The following ATG5 variants were observed in gnomAD, a reference collection of about 807,000 sequenced individuals.
The protein encoded by ATG5 is autophagy related 5.
In ATG5, 14 loss-of-function variants were observed where a neutral mutation model predicts 36.5. The ratio of observed to expected loss-of-function variants is 0.38; its 90% CI spans 0.25 to 0.60. The LOEUF is 0.60. Among genes scored for constraint, ATG5 ranks in the 20% least tolerant of loss-of-function variants. The pLI is 0.60. For synonymous variants in ATG5, 95 were observed against 101.5 expected, an observed-to-expected ratio of 0.94 and a Z score of 0.38; for missense variants, 195 against 326.7, an observed-to-expected ratio of 0.60 and a Z score of 3.11.
At chr6:106,235,937 T>A (rs1471059499) in intron 6 of ATG5, among the ~76,000 whole-genome samples, 1 of 152,216 alleles carries the variant, frequency 6.6e-6, no homozygotes, top group Non-Finnish European at 1.5e-5. Flanking sequence ...ATATTGGGCA[T>A]TTCCATCATG....
At chr6:106,224,013 G>T (rs1462326882) in intron 6 of ATG5, among the ~76,000 whole-genome samples, 1 of 152,234 alleles carries the variant, frequency 6.6e-6, no homozygotes, top group Admixed American at 6.5e-5. Flanking sequence ...TTCAAAAACA[G>T]ACTTCGCAGA....
chr6:106,303,664 T>C (rs1770302674), intron 3 of ATG5, among the ~76,000 whole-genome samples: 1 of 152,148 alleles, frequency 6.6e-6, no homozygotes. Context: ...CGAAATATTA[T>C]TTGGCAAACT....
chr6:106,202,263 T>A (rs1034800620), intron 6 of ATG5, 174 bp from the exon 7 acceptor site: 7 of 482,472 alleles, frequency 1.5e-5, no homozygotes, highest in African/African-American at 1.4e-4. Context: ...CATGATAAAT[T>A]CAGGTAAATC....
intron 6 of ATG5, among the ~76,000 whole-genome samples, chr6:106,205,002 T>C (rs1562209837): frequency 2.0e-5 from 3 of 152,286 alleles, no homozygotes; most frequent in East Asian, 3.9e-4. Context: ...TAGGGAACTG[T>C]AGTGATAATT....
rs112383454 is a variant in ATG5, at chr6:106,255,263, T to G, written c.479-7019A>C. Reference sequence around the variant, plus strand: ...TTTCCAACCCCTTCTTCTTCTAACATGTCTTAATATAGTAGGGGAGAGGAC... The same window carrying G: ...TTTCCAACCCCTTCTTCTTCTAACAGGTCTTAATATAGTAGGGGAGAGGAC... On this transcript the variant is annotated intron_variant, in intron 5 of 7. Transcript: ENST00000369076. Among the ~76,000 whole-genome samples, 555 of 152,306 alleles carry G rather than the reference T, an allele frequency of 3.6e-3. 3 individuals carry two copies. The highest frequency in any genetic ancestry group is 0.013 in the African/African-American group (522 of 41,576).
rs560647163 is a variant in ATG5, at chr6:106,297,060, T to C, written c.237-3954A>G. On this transcript the variant is annotated intron_variant, in intron 3 of 7. Transcript: ENST00000369076. ...AAGTGAAATCTCAAACTCTGAGTCTTTAGATGATATCTTAAATTTTCCATA... is the reference window on the plus strand; with the variant it reads ...AAGTGAAATCTCAAACTCTGAGTCTCTAGATGATATCTTAAATTTTCCATA... Among the ~76,000 whole-genome samples, 15 of 152,314 alleles carry C rather than the reference T, an allele frequency of 9.8e-5. 1 individual carries two copies. The East Asian group carries it at 2.9e-3, about 29-fold the overall frequency.
At chr6:106,264,164 C>G (rs564404322) in intron 5 of ATG5, among the ~76,000 whole-genome samples, 3 of 152,082 alleles carry the variant, frequency 2.0e-5, no homozygotes, top group African/African-American at 7.2e-5. Context: ...CCTGATGGAG[C>G]TGAAAAACAC....
rs1307776243 is a variant in ATG5 at position 106,293,116 on chromosome 6, A to C, written c.237-10T>G. On this transcript the variant is annotated splice_polypyrimidine_tract_variant and intron_variant, in intron 3 of 7. Coordinates refer to ENST00000369076, the MANE Select transcript of ATG5 (RefSeq NM_004849.4). Reference sequence around the variant, plus strand: ...ACCAATTGGATAATGCCTAAAAATGAAACAGTATATTTTGAGAAAATAAAT... The same window carrying C: ...ACCAATTGGATAATGCCTAAAAATGCAACAGTATATTTTGAGAAAATAAAT... 1.2e-6 allele frequency: 2 copies of C among 1,606,822 alleles called. No individual in the cohort carries two copies. The highest frequency in any genetic ancestry group is 2.2e-5 in the South Asian group (2 of 90,730).
At chr6:106,199,577 A>G (rs1047535114) in intron 7 of ATG5, among the ~76,000 whole-genome samples, 2 of 152,228 alleles carry the variant, frequency 1.3e-5, no homozygotes, top group African/African-American at 4.8e-5. Context: ...AGCTACAAGT[A>G]AGTACAAGGA....
intron 3 of ATG5, 121 bp downstream of exon 3, chr6:106,308,243 G>T: frequency 1.3e-6 from 1 of 777,016 alleles, no homozygotes; most frequent in Non-Finnish European, 1.8e-6. Flanking sequence ...TTCACATATT[G>T]TATGAGCTAG....
intron 6 of ATG5, among the ~76,000 whole-genome samples, chr6:106,208,869 C>T (rs1317344208): frequency 6.6e-6 from 1 of 152,106 alleles, no homozygotes; most frequent in African/African-American, 2.4e-5. Flanking sequence ...GGGCAAAAGA[C>T]ATGAACAGAC....
At chr6:106,234,970 G>C (rs1197564927) in intron 6 of ATG5, among the ~76,000 whole-genome samples, 2 of 150,266 alleles carry the variant, frequency 1.3e-5, no homozygotes, top group Admixed American at 6.6e-5. Flanking sequence ...ATTTTTAGGG[G>C]AAGAATGTTG....
rs1188173072 is a variant in ATG5 at position 106,308,483 on chromosome 6, C to T, written c.117G>A (p.Leu39=). ...EREAEPYYLL[L]PRVSYLTLVT... ...CCAACGTCAAATAACTTACTCTTGG[C>T]AAAAGCAACTGAAATGAAAATTTGT... Residue 39 remains leucine, a synonymous_variant, in exon 3 of 8, where the codon TTG becomes TTA. Transcript: ENST00000369076. The T allele has an allele frequency of 6.4e-7, 1 of 1,559,600 alleles. No individual in the cohort carries two copies.
At chr6:106,285,354 T>C (rs1329012161) in intron 4 of ATG5, among the ~76,000 whole-genome samples, 3 of 152,114 alleles carry the variant, frequency 2.0e-5, no homozygotes, top group Admixed American at 2.0e-4. Flanking sequence ...CTATTGAGAG[T>C]AAAATTTTTT....
intron 5 of ATG5, among the ~76,000 whole-genome samples, chr6:106,261,021 G>A (rs1259788010): frequency 2.6e-5 from 4 of 152,168 alleles, no homozygotes; most frequent in Non-Finnish European, 5.9e-5. Context: ...ACTGATTGTT[G>A]AGTTAAAATG....
chr6:106,241,912 T>C (rs1778139175), intron 6 of ATG5, among the ~76,000 whole-genome samples: 1 of 151,972 alleles, frequency 6.6e-6, no homozygotes. Context: ...TAAATCTCTC[T>C]CTACACAAAC....
rs1775768988 is a variant in ATG5, at chr6:106,186,379, C to T, written c.*161G>A. ...AGAGGTGATGCAAAGTAAGACCAGC[C>T]CAGTTGCCTTATCTGACATGGAATC... On this transcript the variant is annotated 3_prime_UTR_variant, in exon 8 of 8. Coordinates refer to ENST00000369076, the MANE Select transcript of ATG5 (RefSeq NM_004849.4). 1.3e-6 allele frequency: 1 copy of T among 750,480 alleles called. No homozygotes were observed. Among genetic ancestry groups the T allele is most frequent in the East Asian group, 2.7e-5 (1 of 37,222 alleles). 46.5% of individuals were successfully genotyped at this position (750,480 alleles called of 1,614,324 possible).
At chr6:106,295,463 T>C (rs1360597142) in intron 3 of ATG5, among the ~76,000 whole-genome samples, 1 of 152,216 alleles carries the variant, frequency 6.6e-6, no homozygotes, top group Admixed American at 6.5e-5. Flanking sequence ...GTGTTTTACA[T>C]ATTCCCTGCC....
At chr6:106,274,157 A>G (rs546288467) in intron 5 of ATG5, among the ~76,000 whole-genome samples, 17 of 152,170 alleles carry the variant, frequency 1.1e-4, no homozygotes, top group Non-Finnish European at 1.9e-4. Flanking sequence ...TGGTAAAAAC[A>G]TTTTTTATAG....
Sources: allele counts gnomAD v4.1 joint callset (sites outside exome capture counted in the v4.1 genomes callset), GRCh38; gene constraint gnomAD v4.1.1; transcripts MANE v1.5; gene names NCBI Gene and HGNC (gene_info 2026-07-23, HGNC 2026-07-21).